FOXN3: variants seen among roughly 807,000 people sequenced by gnomAD.
FOXN3 encodes forkhead box protein N3.
A neutral mutation model predicts 38.4 loss-of-function variants in FOXN3; 7 were observed. The ratio of observed to expected loss-of-function variants is 0.18; its 90% CI spans 0.10 to 0.34. The LOEUF (loss-of-function observed/expected upper bound fraction) is 0.34, where lower values mean the gene tolerates loss of function less well. Ranked by LOEUF, FOXN3 falls within the 10% of genes least tolerant of loss-of-function variation. The pLI is 1.00. For synonymous variants in FOXN3, 230 were observed against 242.2 expected (o/e 0.95, Z 0.47); for missense variants, 456 against 613.4 (o/e 0.74, Z 2.71).
At chr14:89,525,160 T>TTGAG (rs1317195431) in intron 1 of FOXN3, among the ~76,000 whole-genome samples, 1 of 152,160 alleles carries the variant, frequency 6.6e-6, no homozygotes, top group Non-Finnish European at 1.5e-5. Flanking sequence ...CCTACTGGGC[T>TTGAG]GCATTCCCAG....
At chr14:89,250,089 G>A (rs1364887414) in intron 4 of FOXN3, among the ~76,000 whole-genome samples, 2 of 152,196 alleles carry the variant, frequency 1.3e-5, no homozygotes, top group African/African-American at 4.8e-5. Context: ...CAATTTGACT[G>A]AACATGATGG....
chr14:89,511,991 A>G (rs990220494), intron 1 of FOXN3, among the ~76,000 whole-genome samples: 12 of 152,208 alleles, frequency 7.9e-5, no homozygotes, highest in African/African-American at 2.7e-4. Flanking sequence ...CTCATGATGC[A>G]TGGGGATTAA....
At chr14:89,557,107 T>C (rs1261323821) in intron 1 of FOXN3, among the ~76,000 whole-genome samples, 2 of 152,194 alleles carry the variant, frequency 1.3e-5, no homozygotes, top group African/African-American at 2.4e-5. Context: ...CAAAACCCAG[T>C]GATGGTCACC....
chr14:89,193,198 G>A (rs146295185), intron 4 of FOXN3, among the ~76,000 whole-genome samples: 9 of 152,128 alleles, frequency 5.9e-5, no homozygotes, highest in African/African-American at 2.2e-4. Flanking sequence ...CAGGTGACTC[G>A]TACCCAAAGT....
intron 3 of FOXN3, among the ~76,000 whole-genome samples, chr14:89,346,771 T>C (rs992643228): frequency 6.6e-6 from 1 of 152,218 alleles, no homozygotes; most frequent in Non-Finnish European, 1.5e-5. Flanking sequence ...CCTCTTTCAG[T>C]GGAGAAAGAG....
intron 3 of FOXN3, among the ~76,000 whole-genome samples, chr14:89,318,627 T>C (rs1887804596): frequency 6.6e-6 from 1 of 152,242 alleles, no homozygotes; most frequent in Non-Finnish European, 1.5e-5. Flanking sequence ...CAGGCTGTGT[T>C]CTAAGGATTT....
chr14:89,365,812 A>G (rs539054046), intron 2 of FOXN3, among the ~76,000 whole-genome samples: 2 of 152,362 alleles, frequency 1.3e-5, no homozygotes, highest in Non-Finnish European at 2.9e-5. Flanking sequence ...AAATGAACTC[A>G]ATATATTATG....
At chr14:89,549,816 G>C (rs1204696136) in intron 1 of FOXN3, among the ~76,000 whole-genome samples, 1 of 152,198 alleles carries the variant, frequency 6.6e-6, no homozygotes, top group African/African-American at 2.4e-5. Context: ...GATCTGGATG[G>C]AGCCAGTGTT....
intron 3 of FOXN3, chr14:89,349,564 C>T (rs990387542): frequency 2.6e-5 from 4 of 152,786 alleles, no homozygotes; most frequent in East Asian, 1.9e-4. Context: ...ACTATGGAGA[C>T]GCTCCAGTTG....
At chr14:89,195,631 G>A (rs1235429293) in intron 4 of FOXN3, among the ~76,000 whole-genome samples, 2 of 152,154 alleles carry the variant, frequency 1.3e-5, no homozygotes, top group East Asian at 1.9e-4. Context: ...GATTGGCTTT[G>A]TAGGATCTTC....
At chr14:89,360,793 C>CCACCACCACCACTACCACCTCCAG (rs1889508693) in intron 2 of FOXN3, among the ~76,000 whole-genome samples, 2 of 93,284 alleles carry the variant, frequency 2.1e-5, no homozygotes, top group Admixed American at 2.2e-4. Context: ...ACCTCCACCA[C>CCACCACCACCACTACCACCTCCAG]CACCACCTCC....
chr14:89,266,086 G>T (rs902712714), intron 4 of FOXN3, among the ~76,000 whole-genome samples: 2 of 152,182 alleles, frequency 1.3e-5, no homozygotes, highest in Non-Finnish European at 2.9e-5. Flanking sequence ...CCAGCTTTGG[G>T]ATACAAGGTG....
intron 4 of FOXN3, among the ~76,000 whole-genome samples, chr14:89,270,116 T>C (rs1432206594): frequency 2.0e-5 from 3 of 152,200 alleles, no homozygotes; most frequent in Admixed American, 6.5e-5. Flanking sequence ...GAACTTTCTT[T>C]TTCTGTCACA....
intron 4 of FOXN3, among the ~76,000 whole-genome samples, chr14:89,240,816 G>A (rs2139866048): frequency 6.6e-6 from 1 of 152,318 alleles, no homozygotes; most frequent in East Asian, 1.9e-4. Context: ...AAAAAGAAAA[G>A]GAGAAAGGGC....
intron 1 of FOXN3, among the ~76,000 whole-genome samples, chr14:89,524,022 A>G (rs1326478280): frequency 6.7e-6 from 1 of 149,738 alleles, no homozygotes; most frequent in Non-Finnish European, 1.5e-5. Flanking sequence ...CGGCCTCCCA[A>G]AGTGCTGAGA....
chr14:89,617,994 C>T (rs1306234913), intron 1 of FOXN3, among the ~76,000 whole-genome samples: 1 of 152,152 alleles, frequency 6.6e-6, no homozygotes, highest in Admixed American at 6.5e-5. Context: ...AAGGCAGAGT[C>T]GGCGATCAAT....
intron 1 of FOXN3, among the ~76,000 whole-genome samples, chr14:89,471,365 G>A (rs1183416117): frequency 1.3e-5 from 2 of 152,316 alleles, no homozygotes; most frequent in South Asian, 2.1e-4. Flanking sequence ...ACTTTGGGAG[G>A]CCAAGGTGGA....
At chr14:89,452,298 G>A (rs1892629236) in intron 1 of FOXN3, among the ~76,000 whole-genome samples, 1 of 152,150 alleles carries the variant, frequency 6.6e-6, no homozygotes, top group African/African-American at 2.4e-5. Context: ...ACCTTCCAAG[G>A]AAAGATAAGG....
chr14:89,397,559 G>A (rs1011802374), intron 2 of FOXN3, among the ~76,000 whole-genome samples: 13 of 151,724 alleles, frequency 8.6e-5, no homozygotes, highest in African/African-American at 2.7e-4. Context: ...GCTCAGAAAC[G>A]TCTGAGGACC....
Sources: allele counts gnomAD v4.1 joint callset (sites outside exome capture counted in the v4.1 genomes callset), GRCh38; gene constraint gnomAD v4.1.1; transcripts MANE v1.5; gene names NCBI Gene and HGNC (gene_info 2026-07-23, HGNC 2026-07-21).